The following JPH1 variants were observed in gnomAD, a reference collection of about 807,000 sequenced individuals.
The protein encoded by JPH1 is junctophilin-1.
Under a neutral mutation model 53.6 loss-of-function variants are expected in JPH1, and 12 were observed. The ratio of observed to expected loss-of-function variants is 0.22; its 90% CI spans 0.14 to 0.36. JPH1 has a LOEUF of 0.36. Among genes scored for constraint, JPH1 ranks in the 10% least tolerant of loss-of-function variants. The probability of loss-of-function intolerance (pLI) is 1.00; values close to 1 mark genes in which losing one functional copy is unlikely to be tolerated. For missense variants in JPH1, 808 were observed against 905.5 expected (o/e 0.89, Z 1.38); for synonymous variants, 375 against 363.8 (o/e 1.03, Z -0.35).
intron 2 of JPH1, among the ~76,000 whole-genome samples, chr8:74,277,374 A>G (rs1806879310): frequency 6.6e-6 from 1 of 152,238 alleles, no homozygotes. Flanking sequence ...CAACCACAGC[A>G]TACCTGCAAT....
intron 2 of JPH1, among the ~76,000 whole-genome samples, chr8:74,263,409 T>C (rs1220187792): frequency 6.6e-6 from 1 of 152,230 alleles, no homozygotes. Context: ...GGACCGTCCT[T>C]GTGATTTGCT....
At chr8:74,264,913 T>G (rs1806489396) in intron 2 of JPH1, among the ~76,000 whole-genome samples, 3 of 152,220 alleles carry the variant, frequency 2.0e-5, no homozygotes, top group African/African-American at 7.2e-5. Context: ...TCTTAACTCC[T>G]GTGCTTCCTT....
chr8:74,307,352 T>C (rs1367296429), intron 2 of JPH1, among the ~76,000 whole-genome samples: 1 of 152,202 alleles, frequency 6.6e-6, no homozygotes, highest in Non-Finnish European at 1.5e-5. Context: ...ACAACCCTGC[T>C]ATGAAGGGTA....
At chr8:74,286,182 TG>T (rs1464590505) in intron 2 of JPH1, among the ~76,000 whole-genome samples, 1 of 152,250 alleles carries the variant, frequency 6.6e-6, no homozygotes, top group African/African-American at 2.4e-5. Flanking sequence ...TTCTCTTGAC[TG>T]TCACCTTACA....
intron 3 of JPH1, among the ~76,000 whole-genome samples, chr8:74,254,160 C>A (rs1458432162): frequency 1.3e-5 from 2 of 152,084 alleles, no homozygotes; most frequent in South Asian, 2.1e-4. Flanking sequence ...TACTGGCAAA[C>A]CGAATCCAGC....
chr8:74,255,611 C>G (rs1057376890), intron 3 of JPH1, among the ~76,000 whole-genome samples: 3 of 152,036 alleles, frequency 2.0e-5, no homozygotes, highest in African/African-American at 7.3e-5. Flanking sequence ...ACTAGGCAAC[C>G]TACAGAATGG....
In JPH1 at chr8:74,320,984, T is replaced by A; in HGVS notation, c.304A>T (p.Thr102Ser). Residue 102 changes from threonine (T) to serine (S), a missense_variant, in exon 1 of 6, where the codon ACC becomes TCC. Transcript: ENST00000342232. This position sits in a 1 kb window ranked among gnomAD's most constrained non-coding sequence, Gnocchi z 4.4. ...CAGGTACCCTCGTAGCGAGCGGGGG[T>A]GCACAGGCTCTGCCGGACCCCGTAG... is the stretch of plus-strand genomic sequence containing the variant. Reference protein sequence around the residue: ...GRYGVRQSLCTPARYEGTWSN... With the variant: ...GRYGVRQSLCSPARYEGTWSN... 6.2e-7 allele frequency: 1 copy of A among 1,611,670 alleles called. No homozygotes were observed. The highest frequency in any genetic ancestry group is 1.1e-5 in the South Asian group (1 of 90,758).
At chr8:74,296,949 T>C (rs1246601269) in intron 2 of JPH1, among the ~76,000 whole-genome samples, 1 of 152,196 alleles carries the variant, frequency 6.6e-6, no homozygotes, top group Non-Finnish European at 1.5e-5. Context: ...CATAAGCCAA[T>C]GCAAGCTATG....
At chr8:74,245,814 T>C (rs1348327834) in intron 3 of JPH1, among the ~76,000 whole-genome samples, 3 of 151,538 alleles carry the variant, frequency 2.0e-5, no homozygotes, top group South Asian at 2.1e-4. Flanking sequence ...TCCTTTTTTA[T>C]ATACCTCAGG....
At chr8:74,250,136 AT>A (rs573206811) in intron 3 of JPH1, among the ~76,000 whole-genome samples, 10,652 of 142,666 alleles carry the variant, frequency 0.075, 702 homozygotes, top group African/African-American at 0.18. Flanking sequence ...GACTAAAAGG[AT>A]TTTTTTTTTT....
At chr8:74,309,385 G>T (rs931240209) in intron 2 of JPH1, among the ~76,000 whole-genome samples, 2 of 152,168 alleles carry the variant, frequency 1.3e-5, no homozygotes, top group African/African-American at 4.8e-5. Flanking sequence ...GTGGTTCTCA[G>T]TCGCGTGAGG....
chr8:74,249,240 G>A (rs558562773), intron 3 of JPH1, among the ~76,000 whole-genome samples: 1 of 152,250 alleles, frequency 6.6e-6, no homozygotes, highest in African/African-American at 2.4e-5. Flanking sequence ...AAATTTCTAT[G>A]AGGGCAGTGC....
intron 3 of JPH1, among the ~76,000 whole-genome samples, chr8:74,245,817 A>T (rs2131378475): frequency 6.6e-6 from 1 of 150,942 alleles, no homozygotes; most frequent in South Asian, 2.1e-4. Flanking sequence ...TTTTTTATAT[A>T]CCTCAGGATT....
At chr8:74,269,688 G>T (rs1413192128) in intron 2 of JPH1, among the ~76,000 whole-genome samples, 1 of 152,176 alleles carries the variant, frequency 6.6e-6, no homozygotes, top group African/African-American at 2.4e-5. Flanking sequence ...GATCCCTCCT[G>T]GTGACCAGGT....
At chr8:74,314,781 T>C in intron 2 of JPH1, 80 bp downstream of exon 2, 1 of 1,487,342 alleles carries the variant, frequency 6.7e-7, no homozygotes, top group Non-Finnish European at 9.2e-7. Context: ...GCGATGTCAC[T>C]GGCAGATAGA....
intron 2 of JPH1, among the ~76,000 whole-genome samples, 173 bp downstream of exon 2, chr8:74,314,688 G>A (rs981373304): frequency 5.3e-5 from 8 of 152,226 alleles, no homozygotes; most frequent in Admixed American, 1.3e-4. Context: ...TTTCAGAACA[G>A]TGCAGGTACA....
At chr8:74,237,106 A>C (rs933457354) in intron 5 of JPH1, 71 bp from the exon 6 acceptor site, 1 of 729,544 alleles carries the variant, frequency 1.4e-6, no homozygotes, top group African/African-American at 1.8e-5. Context: ...CCAAAATTAA[A>C]GTGAAGGACA....
chr8:74,282,387 A>G (rs146658510), intron 2 of JPH1, among the ~76,000 whole-genome samples: 25 of 152,332 alleles, frequency 1.6e-4, no homozygotes, highest in African/African-American at 5.5e-4. Flanking sequence ...CTGCCCAACC[A>G]CAGAATGTAT....
At chr8:74,288,849 A>G (rs956745980) in intron 2 of JPH1, among the ~76,000 whole-genome samples, 2 of 152,258 alleles carry the variant, frequency 1.3e-5, no homozygotes, top group Non-Finnish European at 1.5e-5. Context: ...TGTAACTGTA[A>G]CAGTCTTCAG....
Sources: allele counts gnomAD v4.1 joint callset (sites outside exome capture counted in the v4.1 genomes callset), GRCh38; gene constraint gnomAD v4.1.1; non-coding constraint Gnocchi (gnomAD v3.1); transcripts MANE v1.5; gene names NCBI Gene and HGNC (gene_info 2026-07-23, HGNC 2026-07-21).